NELFA: variants seen among roughly 807,000 people sequenced by gnomAD.
NELFA encodes the protein negative elongation factor complex member A, also known as negative elongation factor A.
In NELFA, 35 loss-of-function variants were observed where a neutral mutation model predicts 51.8. The observed-to-expected ratio is 0.68, with a 90% CI of 0.52 to 0.90. The LOEUF is 0.90. NELFA is among the 40% of genes least tolerant of loss of function. The pLI is 0.00. For synonymous variants in NELFA, 417 were observed against 338.4 expected (o/e 1.23, Z -2.55); for missense variants, 658 against 746.4 (o/e 0.88, Z 1.38).
chr4:1,999,487 T>A (rs186231523), intron 1 of NELFA, among the ~76,000 whole-genome samples: 5 of 151,002 alleles, frequency 3.3e-5, no homozygotes, highest in Admixed American at 1.3e-4. Context: ...AAGACAGGGG[T>A]TGCAATCCTA....
intron 1 of NELFA, among the ~76,000 whole-genome samples, chr4:1,994,509 G>A (rs915753961): frequency 1.3e-5 from 2 of 151,560 alleles, no homozygotes; most frequent in East Asian, 1.9e-4. Context: ...AGATTCTGGT[G>A]AGCCAAGATG....
intron 1 of NELFA, among the ~76,000 whole-genome samples, chr4:1,993,591 GAAAGAAAGAAAGAAAAAGA>G (rs1457140704): frequency 1.7e-5 from 2 of 118,624 alleles, no homozygotes; most frequent in African/African-American, 6.2e-5. Context: ...AAAAAAAAAA[GAAAGAAAGAAAGAAAAAGA>G]AAAGAAAGAA....
rs1408042249 is a variant in NELFA at position 2,008,849 on chromosome 4, G to A, written c.111C>T (p.Val37=). Residue 37 remains valine, a synonymous_variant, in exon 1 of 11, where the codon GTC becomes GTT. Transcript: ENST00000382882. The part of the protein sequence containing the change: ...PSIASLLTAA[V]IDNIRLCFHG... ...GGAAGCAGAGACGGATGTTGTCGAT[G>A]ACCGCGGCCGTGAGCAGGGACGCGA... The A allele has an allele frequency of 1.2e-6, 2 of 1,606,068 alleles. No individual in the cohort carries two copies. The highest frequency in any genetic ancestry group is 8.5e-7 in the Non-Finnish European group (1 of 1,176,724).
chr4:1,987,789 C>T (rs528952902), intron 4 of NELFA, 129 bp downstream of exon 4: 8 of 781,750 alleles, frequency 1.0e-5, no homozygotes, highest in South Asian at 2.0e-5. Context: ...CGCTTTCCCA[C>T]GGGCTCCCAA....
rs200464469 is a variant in NELFA at position 1,985,861 on chromosome 4, G to A, written c.839C>T (p.Ala280Val). The A allele has an allele frequency of 5.0e-6, 8 of 1,612,230 alleles. No individual in the cohort carries two copies. The highest frequency in any genetic ancestry group is 4.0e-5 in the African/African-American group (3 of 74,984). Reference sequence around the variant, plus strand: ...CTTGGCCGGCTTCTCCACCACCTCCGCATCTGTGGACAAAACAGGAGTCCT... The same window carrying A: ...CTTGGCCGGCTTCTCCACCACCTCCACATCTGTGGACAAAACAGGAGTCCT... Reference protein sequence around the residue: ...EAKRRRKTLDAEVVEKPAKEE... With the variant: ...EAKRRRKTLDVEVVEKPAKEE... The change falls in exon 7 of 11, where the codon GCG becomes GTG. Residue 280 changes from alanine to valine, a missense_variant. Ala to Val is a moderately conservative substitution (Grantham distance 64). Around this residue, in one of 3 missense-constraint regions of NELFA, gnomAD observed 371 missense variants for 448.3 expected, o/e 0.83. Coordinates refer to ENST00000382882, the MANE Select transcript of NELFA (RefSeq NM_005663.5).
In NELFA at chr4:1,982,769, GAAAATA is replaced by G. The variant is rs1727923697; in HGVS notation, c.*544_*549del. 1 of 151,448 alleles carries G rather than the reference GAAAATA, an allele frequency of 6.6e-6. No individual in the cohort carries two copies. The highest frequency in any genetic ancestry group is 1.5e-5 in the Non-Finnish European group (1 of 67,500). 9.4% of individuals were successfully genotyped at this position (151,448 alleles called of 1,614,324 possible). On this transcript the variant is annotated 3_prime_UTR_variant, in exon 11 of 11. Coordinates refer to ENST00000382882, the MANE Select transcript of NELFA (RefSeq NM_005663.5). ...TTAATGGTTCAGATAGTTTTACAATGAAAATAGGTACCCAAAGACTGTCTTAAATGT... is the reference window on the plus strand; with the variant it reads ...TTAATGGTTCAGATAGTTTTACAATGGGTACCCAAAGACTGTCTTAAATGT...
chr4:1,986,012 C>A, intron 6 of NELFA, 102 bp downstream of exon 6: 2 of 1,407,302 alleles, frequency 1.4e-6, no homozygotes, highest in Non-Finnish European at 1.9e-6. Context: ...AGCAGCCTCA[C>A]GGGGCACAGC....
intron 6 of NELFA, 121 bp downstream of exon 6, chr4:1,985,992 AC>A: frequency 7.4e-7 from 1 of 1,346,022 alleles, no homozygotes; most frequent in Non-Finnish European, 1.0e-6. Context: ...GCAGGCACCC[AC>A]CCACGGAGAG....
chr4:1,983,186 A>G lies in NELFA; in HGVS notation c.*133T>C. On this transcript the variant is annotated 3_prime_UTR_variant, in exon 11 of 11. Coordinates refer to ENST00000382882, the MANE Select transcript of NELFA (RefSeq NM_005663.5). ...GAGAAATGCATCCAGAACTTAAAACAGGCTGGGTCAGCAGCAGGGCGGCGG... is the reference window on the plus strand; with the variant it reads ...GAGAAATGCATCCAGAACTTAAAACGGGCTGGGTCAGCAGCAGGGCGGCGG... The G allele has an allele frequency of 1.2e-6, 1 of 810,346 alleles. No homozygotes were observed. Among genetic ancestry groups the G allele is most frequent in the Admixed American group, 3.0e-5 (1 of 33,474 alleles). The allele number at this position is 810,346 out of a possible 1,614,324, so 50.2% of individuals were successfully genotyped here.
chr4:1,998,678 G>C lies in NELFA; in HGVS notation c.211-6963C>G, dbSNP rs368168556. On this transcript the variant is annotated intron_variant, in intron 1 of 10. Coordinates refer to ENST00000382882, the MANE Select transcript of NELFA (RefSeq NM_005663.5). Reference sequence around the variant, plus strand: ...AAAAAGACCAAACCTACTACTGACTGGAGTACCAGAAGGAGACGGGGAGAA... The same window carrying C: ...AAAAAGACCAAACCTACTACTGACTCGAGTACCAGAAGGAGACGGGGAGAA... 1.4e-4 allele frequency among the ~76,000 whole-genome samples: 21 copies of C among 152,252 alleles called. No individual in the cohort carries two copies. The East Asian group carries it at 3.9e-3, about 28-fold the overall frequency.
At chr4:1,992,545 G>A (rs1209205547) in intron 1 of NELFA, 2 of 357,484 alleles carry the variant, frequency 5.6e-6, no homozygotes, top group African/African-American at 2.2e-5. Flanking sequence ...AGACAGCTGG[G>A]CTGGCTGGCG....
intron 1 of NELFA, among the ~76,000 whole-genome samples, chr4:2,006,238 C>T (rs1385761792): frequency 1.3e-5 from 2 of 152,320 alleles, no homozygotes; most frequent in African/African-American, 2.4e-5. Context: ...TTTCAATCAA[C>T]GTTGGGTGCT....
rs2109052139 is a variant in NELFA, at chr4:1,983,599, G to A, written c.1399C>T (p.Arg467Ter). 2.5e-6 allele frequency: 4 copies of A among 1,613,966 alleles called. No homozygotes were observed. Among genetic ancestry groups the A allele is most frequent in the Non-Finnish European group, 3.4e-6 (4 of 1,179,970 alleles). ...ALILGFMAGS[R>*]ENPCQEQGDV... ...AGGCCCTGCCTTATGAACATACCTC[G>A]GGAGCCGGCCATGAAGCCCAGGATG... The change falls in exon 10 of 11, where the codon CGA becomes TGA. Residue 467 changes from arginine to a stop codon, truncating the protein, a stop_gained. Coordinates refer to ENST00000382882, the MANE Select transcript of NELFA (RefSeq NM_005663.5). LOFTEE classifies it high-confidence loss of function.
chr4:1,984,662 C>T (rs1034413883), intron 8 of NELFA, 146 bp downstream of exon 8: 49 of 619,658 alleles, frequency 7.9e-5, no homozygotes, highest in East Asian at 3.1e-4. Flanking sequence ...AACAGCGGGG[C>T]ATCTGCCCCC....
At chr4:1,986,585 CACG>C (rs1728107513) in intron 4 of NELFA, 183 bp from the exon 5 acceptor site, 12 of 846,342 alleles carry the variant, frequency 1.4e-5, no homozygotes, top group Non-Finnish European at 1.8e-5. Context: ...CGCCTGGAGC[CACG>C]ACCTCACACT....
chr4:2,007,223 CA>C, intron 1 of NELFA: 1 of 330,190 alleles, frequency 3.0e-6, no homozygotes. Context: ...AACACAAACA[CA>C]AAAACAAAAC....
At chr4:1,991,370 CA>C (rs760363493) in intron 2 of NELFA, among the ~76,000 whole-genome samples, 173 bp downstream of exon 2, 23 of 152,092 alleles carry the variant, frequency 1.5e-4, no homozygotes, top group Non-Finnish European at 2.6e-4. Flanking sequence ...TCAAAGATGG[CA>C]AAAGCCAGGC....
intron 1 of NELFA, among the ~76,000 whole-genome samples, chr4:2,002,061 A>G (rs231197): frequency 0.3 from 43,312 of 146,694 alleles, 6,387 homozygotes; most frequent in African/African-American, 0.35. Flanking sequence ...TTAGCCAGGC[A>G]TGGTGGCGGG....
chr4:1,996,930 C>G (rs1048114836), intron 1 of NELFA, among the ~76,000 whole-genome samples: 1 of 151,442 alleles, frequency 6.6e-6, no homozygotes, highest in Non-Finnish European at 1.5e-5. Flanking sequence ...GTATTTGAGA[C>G]ACTCTCTCTA....
Sources: gnomAD v4.1 joint callset for allele counts (sites outside exome capture counted in the v4.1 genomes callset) on GRCh38, gnomAD v4.1.1 for gene constraint, gnomAD v4.1.1 regional missense constraint, MANE v1.5 for transcripts, NCBI Gene and HGNC (gene_info 2026-07-23, HGNC 2026-07-21) for gene names.